Variants in SLC39A11 observed in about 807,000 individuals in gnomAD.
SLC39A11 encodes the protein solute carrier family 39 member 11, also known as zinc transporter ZIP11.
Under a neutral mutation model 36.1 loss-of-function variants are expected in SLC39A11, and 33 were observed. That is an observed-to-expected ratio of 0.91 (90% confidence interval 0.69 to 1.22). The LOEUF is 1.22. Ranked by LOEUF, SLC39A11 falls within the 50% of genes most tolerant of loss-of-function variation. SLC39A11 has a pLI of 0.00. For missense variants in SLC39A11, 432 were observed against 430.3 expected, an observed-to-expected ratio of 1.00 and a Z score of -0.03; for synonymous variants, 166 against 170.3, an observed-to-expected ratio of 0.97 and a Z score of 0.20.
chr17:72,730,517 A>G (rs913642410), intron 7 of SLC39A11, among the ~76,000 whole-genome samples: 4 of 152,228 alleles, frequency 2.6e-5, no homozygotes, highest in Admixed American at 2.6e-4. Context: ...CTTTGAAGAG[A>G]TGAATTCCAC....
chr17:73,051,242 CTCT>C (rs1047209384), intron 3 of SLC39A11, among the ~76,000 whole-genome samples: 9 of 152,292 alleles, frequency 5.9e-5, no homozygotes, highest in African/African-American at 2.2e-4. Context: ...GTCTGTGTCC[CTCT>C]TCTTATAAGG....
chr17:72,890,572 T>C (rs933108293), intron 5 of SLC39A11, among the ~76,000 whole-genome samples: 1 of 152,184 alleles, frequency 6.6e-6, no homozygotes, highest in African/African-American at 2.4e-5. Context: ...AAAGCTGAAC[T>C]GGGAGAAAAA....
chr17:72,762,297 C>T (rs376724057), intron 6 of SLC39A11, among the ~76,000 whole-genome samples: 53 of 152,262 alleles, frequency 3.5e-4, no homozygotes, highest in East Asian at 3.3e-3. Flanking sequence ...AAGATGGTGA[C>T]GAGAGTGACC....
At chr17:72,876,075 G>T (rs889919577) in intron 5 of SLC39A11, among the ~76,000 whole-genome samples, 3 of 152,202 alleles carry the variant, frequency 2.0e-5, no homozygotes, top group African/African-American at 7.2e-5. Context: ...TGCTACTCTT[G>T]TCACACTGCC....
At chr17:72,909,808 T>C (rs149011547) in intron 5 of SLC39A11, among the ~76,000 whole-genome samples, 1,678 of 150,684 alleles carry the variant, frequency 0.011, 33 homozygotes, top group African/African-American at 0.038. Flanking sequence ...TGCAGTGGCG[T>C]GATCTCGGCT....
chr17:72,933,423 T>C (rs567728123), intron 5 of SLC39A11, among the ~76,000 whole-genome samples: 9 of 152,184 alleles, frequency 5.9e-5, no homozygotes, highest in Non-Finnish European at 1.0e-4. Context: ...CTTTGGAGAA[T>C]ATACCATGTT....
chr17:72,925,102 C>G (rs1291116842), intron 5 of SLC39A11, among the ~76,000 whole-genome samples: 1 of 151,778 alleles, frequency 6.6e-6, no homozygotes, highest in Non-Finnish European at 1.5e-5. Flanking sequence ...CTCATGCTGT[C>G]CAGTGGAATT....
chr17:72,646,273 T>A lies in SLC39A11; in HGVS notation c.*1311A>T, dbSNP rs925369691. On this transcript the variant is annotated 3_prime_UTR_variant, in exon 10 of 10. Coordinates refer to ENST00000255559, the MANE Select transcript of SLC39A11 (RefSeq NM_139177.4). The stretch of plus-strand genomic sequence containing the variant: ...AGACACTGACAATGCAATGCCTGCA[T>A]ACCTGACTCCTGGGCTGCCTTCCTT... The A allele has an allele frequency of 6.6e-6, 1 of 152,644 alleles. No homozygotes were observed. The highest frequency in any genetic ancestry group is 1.5e-5 in the Non-Finnish European group (1 of 68,056). 9.5% of individuals were successfully genotyped at this position (152,644 alleles called of 1,614,324 possible).
At chr17:72,982,523 T>C (rs17781029) in intron 4 of SLC39A11, among the ~76,000 whole-genome samples, 7,320 of 152,280 alleles carry the variant, frequency 0.048, 218 homozygotes, top group Non-Finnish European at 0.066. Context: ...CTTTCGTCCA[T>C]ATCGGTCAAC....
chr17:72,708,425 A>G (rs1193339119), intron 7 of SLC39A11, among the ~76,000 whole-genome samples: 1 of 152,192 alleles, frequency 6.6e-6, no homozygotes, highest in Non-Finnish European at 1.5e-5. Flanking sequence ...CTGCCAGCCC[A>G]CTGTGTGAAT....
At chr17:72,869,630 TCGGCC>T (rs1404853663) in intron 5 of SLC39A11, among the ~76,000 whole-genome samples, 23 of 151,704 alleles carry the variant, frequency 1.5e-4, no homozygotes, top group African/African-American at 5.1e-4. Context: ...TCCACCCACC[TCGGCC>T]TCCTCGGCCT....
intron 4 of SLC39A11, among the ~76,000 whole-genome samples, chr17:73,006,651 AAC>A (rs144245639): frequency 0.29 from 42,700 of 148,960 alleles, 7,384 homozygotes; most frequent in East Asian, 0.54. Context: ...TCAGTTTGTA[AAC>A]ACACACACAC....
intron 5 of SLC39A11, among the ~76,000 whole-genome samples, chr17:72,876,458 A>T (rs1231171887): frequency 2.0e-5 from 3 of 152,212 alleles, no homozygotes; most frequent in Non-Finnish European, 4.4e-5. Context: ...TTGTTGCATG[A>T]AACTGATATT....
chr17:72,759,056 G>A (rs374376931), intron 6 of SLC39A11, among the ~76,000 whole-genome samples: 9 of 151,918 alleles, frequency 5.9e-5, no homozygotes, highest in Admixed American at 1.3e-4. Context: ...AGCCGAGATC[G>A]TGCCATTGCA....
intron 5 of SLC39A11, among the ~76,000 whole-genome samples, chr17:72,872,553 A>T (rs1567861124): frequency 6.6e-6 from 1 of 152,230 alleles, no homozygotes. Flanking sequence ...TATGACAGTG[A>T]TAGAAATCTT....
At chr17:72,667,506 A>G (rs969064991) in intron 7 of SLC39A11, among the ~76,000 whole-genome samples, 1 of 152,220 alleles carries the variant, frequency 6.6e-6, no homozygotes, top group Non-Finnish European at 1.5e-5. Flanking sequence ...TTGGCTTCCC[A>G]GTATGGATGG....
At chr17:72,759,754 A>C (rs979656926) in intron 6 of SLC39A11, among the ~76,000 whole-genome samples, 1 of 152,140 alleles carries the variant, frequency 6.6e-6, no homozygotes. Flanking sequence ...TAGAATTCTC[A>C]TGGGTGGAAA....
intron 6 of SLC39A11, among the ~76,000 whole-genome samples, chr17:72,770,507 C>T (rs180695165): frequency 1.8e-3 from 268 of 152,272 alleles, no homozygotes; most frequent in African/African-American, 5.1e-3. Context: ...CTGTGATTGG[C>T]GGCTCTTCTT....
intron 4 of SLC39A11, among the ~76,000 whole-genome samples, chr17:72,991,808 G>A: frequency 6.6e-6 from 1 of 152,060 alleles, no homozygotes; most frequent in East Asian, 1.9e-4. Flanking sequence ...TTCTCATGCA[G>A]GGTTCCCTGT....
Sources: gnomAD v4.1 joint callset for allele counts (sites outside exome capture counted in the v4.1 genomes callset) on GRCh38, gnomAD v4.1.1 for gene constraint, MANE v1.5 for transcripts, NCBI Gene and HGNC (gene_info 2026-07-23, HGNC 2026-07-21) for gene names.